NFX1: variants seen among roughly 807,000 people sequenced by gnomAD.
NFX1 encodes transcriptional repressor NF-X1.
In NFX1, 69 loss-of-function variants were observed where a neutral mutation model predicts 137.2. That is an observed-to-expected ratio of 0.50 (90% confidence interval 0.41 to 0.61). The LOEUF is 0.61. Among genes scored for constraint, NFX1 ranks in the 20% least tolerant of loss-of-function variants. The probability of loss-of-function intolerance (pLI) is 0.00; values close to 1 mark genes in which losing one functional copy is unlikely to be tolerated. For synonymous variants in NFX1, 495 were observed against 474.1 expected (o/e 1.04, Z -0.57); for missense variants, 1,167 against 1,391.0 (o/e 0.84, Z 2.56).
At chr9:33,310,986 C>T in intron 5 of NFX1, 120 bp from the exon 6 acceptor site, 1 of 810,994 alleles carries the variant, frequency 1.2e-6, no homozygotes, top group Middle Eastern at 2.3e-4. Flanking sequence ...TAAACAAATA[C>T]AAAGACATGT....
chr9:33,367,464 C>G, intron 22 of NFX1, 51 bp from the exon 23 acceptor site: 2 of 1,583,028 alleles, frequency 1.3e-6, no homozygotes, highest in South Asian at 1.1e-5. Flanking sequence ...TTCTGTCCAT[C>G]TCCACAAACA....
At chr9:33,360,318 G>C (rs1002268023) in intron 19 of NFX1, among the ~76,000 whole-genome samples, 2 of 152,094 alleles carry the variant, frequency 1.3e-5, no homozygotes, top group Non-Finnish European at 2.9e-5. Flanking sequence ...TAAGCCTTAG[G>C]TTTCTTAAAA....
At position 33,294,606 on chromosome 9, in the gene NFX1, A is replaced by G. The variant is rs957450659; in HGVS notation, c.212A>G (p.His71Arg). Reference protein sequence around the residue: ...PYDEISAVHQHSYHPSGSKPK... With the variant: ...PYDEISAVHQRSYHPSGSKPK... ...GATGAAATCTCTGCTGTTCATCAGCATAGTTATCATCCGTCAGGAAGCAAA... is the reference window on the plus strand; with the variant it reads ...GATGAAATCTCTGCTGTTCATCAGCGTAGTTATCATCCGTCAGGAAGCAAA... The change falls in exon 2 of 24, where the codon CAT (histidine) becomes CGT (arginine). Residue 71 changes from histidine to arginine, a missense_variant. Physicochemically the swap from His to Arg is conservative, Grantham distance 29. This residue lies in a region of NFX1 where 367 missense variants were observed against 386.7 expected (regional missense o/e 0.95). Coordinates refer to ENST00000379540, the MANE Select transcript of NFX1 (RefSeq NM_002504.6). 3.7e-6 allele frequency: 6 copies of G among 1,614,112 alleles called. No individual in the cohort carries two copies. The highest frequency in any genetic ancestry group is 2.2e-5 in the East Asian group (1 of 44,896).
intron 1 of NFX1, among the ~76,000 whole-genome samples, chr9:33,291,390 GT>G (rs996581744): frequency 2.6e-5 from 4 of 152,176 alleles, no homozygotes; most frequent in African/African-American, 9.7e-5. Context: ...AATATATTCT[GT>G]TTTCTGTTTC....
In NFX1 at chr9:33,342,847, G is replaced by A; in HGVS notation, c.2217G>A (p.Trp739Ter). The A allele has an allele frequency of 6.2e-7, 1 of 1,609,052 alleles. No individual in the cohort carries two copies. The highest frequency in any genetic ancestry group is 8.5e-7 in the Non-Finnish European group (1 of 1,176,686). The change falls in exon 13 of 24, where the codon TGG (tryptophan) becomes TGA (stop). Residue 739 changes from tryptophan to a stop codon, truncating the protein, a stop_gained. Coordinates refer to ENST00000379540, the MANE Select transcript of NFX1 (RefSeq NM_002504.6). LOFTEE classifies it high-confidence loss of function. ...PCHRGNCQTCWQASFDELTCH... is the reference protein window; with the variant it reads ...PCHRGNCQTC Reference sequence around the variant, plus strand: ...ATCGTGGAAACTGCCAGACATGCTGGCAAGCCAGTGAGTGTCTTTACTGTA... The same window carrying A: ...ATCGTGGAAACTGCCAGACATGCTGACAAGCCAGTGAGTGTCTTTACTGTA...
intron 16 of NFX1, chr9:33,352,007 CCA>C: frequency 2.0e-6 from 1 of 497,946 alleles, no homozygotes; most frequent in East Asian, 3.3e-5. Context: ...TGCCACCGGA[CCA>C]CAGTCTGTGT....
At chr9:33,305,268 A>G (rs924104032) in intron 4 of NFX1, among the ~76,000 whole-genome samples, 4 of 152,372 alleles carry the variant, frequency 2.6e-5, no homozygotes, top group African/African-American at 7.2e-5. Flanking sequence ...GATTAAGAGA[A>G]GCCTTCTTGG....
At chr9:33,351,247 CAA>C (rs1432611047) in intron 15 of NFX1, among the ~76,000 whole-genome samples, 2 of 152,136 alleles carry the variant, frequency 1.3e-5, no homozygotes, top group African/African-American at 2.4e-5. Context: ...CGCTTCCACT[CAA>C]GAGTTCGAGA....
intron 19 of NFX1, among the ~76,000 whole-genome samples, chr9:33,359,324 C>T (rs549730569): frequency 2.6e-5 from 4 of 151,934 alleles, no homozygotes; most frequent in East Asian, 1.9e-4. Context: ...CTTGGCCGGG[C>T]GCGGTGGCTC....
At chr9:33,331,543 A>G (rs1481871044) in intron 10 of NFX1, among the ~76,000 whole-genome samples, 2 of 152,220 alleles carry the variant, frequency 1.3e-5, no homozygotes, top group Non-Finnish European at 2.9e-5. Flanking sequence ...TTCATGAGTC[A>G]CTTTTGCTTT....
chr9:33,367,793 A>T (rs1038507784), intron 23 of NFX1, among the ~76,000 whole-genome samples, 174 bp downstream of exon 23: 1 of 152,196 alleles, frequency 6.6e-6, no homozygotes, highest in Non-Finnish European at 1.5e-5. Flanking sequence ...TTCCCACCAG[A>T]GGGGTCCTAA....
Position 33,303,192 on chromosome 9 carries a change from T to C in NFX1, c.1194T>C (p.Asp398=), listed in dbSNP as rs367839744. 3.1e-6 allele frequency: 5 copies of C among 1,613,938 alleles called. No individual in the cohort carries two copies. Among genetic ancestry groups the C allele is most frequent in the Non-Finnish European group, 4.2e-6 (5 of 1,179,934 alleles). ...GCCTACTCCCATTTTTCCTGACAGATGGCCAGAGTGGTTGGAGGTGCCCTG... is the reference window on the plus strand; with the variant it reads ...GCCTACTCCCATTTTTCCTGACAGACGGCCAGAGTGGTTGGAGGTGCCCTG... The part of the protein sequence containing the change: ...KWARSPASQA[D]GQSGWRCPAC... The change falls in exon 4 of 24, where the codon GAT becomes GAC. Residue 398 remains aspartate (D), a splice_region_variant and synonymous_variant. Coordinates refer to ENST00000379540, the MANE Select transcript of NFX1 (RefSeq NM_002504.6).
chr9:33,309,363 A>G (rs1821879997), intron 5 of NFX1, among the ~76,000 whole-genome samples: 1 of 150,558 alleles, frequency 6.6e-6, no homozygotes, highest in African/African-American at 2.5e-5. Flanking sequence ...TCTCAGAGAA[A>G]AAAAAAAAAA....
chr9:33,327,149 A>C (rs988377931), intron 9 of NFX1, among the ~76,000 whole-genome samples: 5 of 152,238 alleles, frequency 3.3e-5, no homozygotes, highest in African/African-American at 9.6e-5. Context: ...AGTAACATTA[A>C]ATGTGAATGG....
chr9:33,307,706 T>C (rs1395938558), intron 5 of NFX1, among the ~76,000 whole-genome samples: 1 of 152,134 alleles, frequency 6.6e-6, no homozygotes, highest in East Asian at 1.9e-4. Flanking sequence ...TGGGAGAACC[T>C]TCTGTCTGGG....
chr9:33,311,022 T>G, intron 5 of NFX1, 84 bp from the exon 6 acceptor site: 6 of 1,215,290 alleles, frequency 4.9e-6, no homozygotes, highest in Non-Finnish European at 7.2e-6. Context: ...TGTTGCCATA[T>G]TCACAATAAG....
rs1822638298 is a variant in NFX1, at chr9:33,327,499, G to A, written c.1907-1082G>A. ...CCTGCCTCAGCCTCCTGAGTCGCTGGGATTACAGGTGGGCGCCACCACGCC... is the reference window on the plus strand; with the variant it reads ...CCTGCCTCAGCCTCCTGAGTCGCTGAGATTACAGGTGGGCGCCACCACGCC... On this transcript the variant is annotated intron_variant, in intron 9 of 23. Coordinates refer to ENST00000379540, the MANE Select transcript of NFX1 (RefSeq NM_002504.6). 2.0e-5 allele frequency among the ~76,000 whole-genome samples: 3 copies of A among 152,302 alleles called. No individual in the cohort carries two copies. The South Asian group carries it at 6.2e-4, about 32-fold the overall frequency.
At chr9:33,361,441 G>C (rs184515498) in intron 19 of NFX1, among the ~76,000 whole-genome samples, 1 of 151,998 alleles carries the variant, frequency 6.6e-6, no homozygotes, top group East Asian at 1.9e-4. Context: ...TTTTGGGGGG[G>C]TGAGACAATT....
intron 15 of NFX1, among the ~76,000 whole-genome samples, chr9:33,349,147 T>C (rs146627477): frequency 2.0e-5 from 3 of 152,336 alleles, no homozygotes; most frequent in Non-Finnish European, 4.4e-5. Flanking sequence ...ATTCAACAGA[T>C]ATCGAGTATG....
Sources: allele counts gnomAD v4.1 joint callset (sites outside exome capture counted in the v4.1 genomes callset), GRCh38; gene constraint gnomAD v4.1.1; regional missense constraint gnomAD v4.1.1; transcripts MANE v1.5; gene names NCBI Gene and HGNC (gene_info 2026-07-23, HGNC 2026-07-21).